The following CFAP418 variants were observed in gnomAD, a reference collection of about 807,000 sequenced individuals.
CFAP418 encodes cilia and flagella associated protein 418.
Under a neutral mutation model 24.7 loss-of-function variants are expected in CFAP418, and 27 were observed. That is an observed-to-expected ratio of 1.09 (90% CI 0.81 to 1.51). The LOEUF is 1.51. Ranked by LOEUF, CFAP418 falls within the 40% of genes most tolerant of loss-of-function variation. The probability of loss-of-function intolerance (pLI) is 0.00; values close to 1 mark genes in which losing one functional copy is unlikely to be tolerated. For missense variants in CFAP418, 257 were observed against 255.2 expected (o/e 1.01, Z -0.05); for synonymous variants, 74 against 87.3 (o/e 0.85, Z 0.85).
chr8:95,247,841 A>G, intron 5 of CFAP418, 71 bp from the exon 6 acceptor site: 4 of 1,288,178 alleles, frequency 3.1e-6, no homozygotes, highest in Non-Finnish European at 4.2e-6. Flanking sequence ...AAAAAAAAAA[A>G]GGTCATTGCT....
At chr8:95,261,568 C>T (rs891577147) in intron 2 of CFAP418, among the ~76,000 whole-genome samples, 5 of 152,004 alleles carry the variant, frequency 3.3e-5, no homozygotes, top group South Asian at 2.1e-4. Context: ...CTAATGACAA[C>T]GTTGGCATAG....
At chr8:95,263,592 G>T in intron 2 of CFAP418, 95 bp downstream of exon 2, 1 of 690,520 alleles carries the variant, frequency 1.4e-6, no homozygotes. Context: ...GAATTCAAAA[G>T]ATAATGGGTA....
chr8:95,253,963 A>G (rs958168144), intron 4 of CFAP418, among the ~76,000 whole-genome samples: 13 of 152,254 alleles, frequency 8.5e-5, no homozygotes, highest in Admixed American at 6.5e-4. Context: ...AATCTCAACC[A>G]TAATGCTAAA....
intron 5 of CFAP418, among the ~76,000 whole-genome samples, chr8:95,248,774 A>G (rs1374282429): frequency 5.3e-5 from 8 of 152,210 alleles, no homozygotes; most frequent in Admixed American, 5.2e-4. Context: ...ATGAAAAAAT[A>G]CAAAGTGAAA....
At chr8:95,261,521 G>A (rs1587355997) in intron 2 of CFAP418, among the ~76,000 whole-genome samples, 2 of 152,090 alleles carry the variant, frequency 1.3e-5, no homozygotes, top group South Asian at 2.1e-4. Flanking sequence ...CAGGAGGTGC[G>A]GTAAGGGAGT....
In CFAP418 at chr8:95,269,142, A is replaced by G. The variant is rs757326871; in HGVS notation, c.48T>C (p.Phe16=). The part of the protein sequence containing the change: ...DELLDEVESK[F]CTPDLLRRGM... ...CCCGTCTTAGAAGGTCAGGTGTGCAAAACTTGGACTCGACTTCATCCAAGA... is the reference window on the plus strand; with the variant it reads ...CCCGTCTTAGAAGGTCAGGTGTGCAGAACTTGGACTCGACTTCATCCAAGA... The change falls in exon 1 of 6, where the codon TTT becomes TTC. Residue 16 remains phenylalanine (F), a synonymous_variant. Transcript: ENST00000286688. The G allele has an allele frequency of 1.9e-6, 3 of 1,614,160 alleles. No homozygotes were observed. The highest frequency in any genetic ancestry group is 1.7e-6 in the Non-Finnish European group (2 of 1,180,006).
chr8:95,252,738 A>C (rs1811728379), intron 4 of CFAP418, among the ~76,000 whole-genome samples: 1 of 152,232 alleles, frequency 6.6e-6, no homozygotes, highest in African/African-American at 2.4e-5. Context: ...CTGGGAAAAG[A>C]TTGTATTTGT....
chr8:95,263,363 G>A (rs1213511811), intron 2 of CFAP418, among the ~76,000 whole-genome samples: 1 of 149,502 alleles, frequency 6.7e-6, no homozygotes, highest in Non-Finnish European at 1.5e-5. Context: ...TACAATGAAA[G>A]CTGTTTGTTT....
In CFAP418 at chr8:95,247,588, G is replaced by T; in HGVS notation, c.*29C>A. On this transcript the variant is annotated 3_prime_UTR_variant, in exon 6 of 6. Transcript: ENST00000286688. ...ATTCATGGAGACCACTCTCATGGATGCATCTGTCCGAATGTGCAGTCTGCA... is the reference window on the plus strand; with the variant it reads ...ATTCATGGAGACCACTCTCATGGATTCATCTGTCCGAATGTGCAGTCTGCA... The T allele has an allele frequency of 6.2e-7, 1 of 1,612,924 alleles. No homozygotes were observed. The highest frequency in any genetic ancestry group is 8.5e-7 in the Non-Finnish European group (1 of 1,179,250).
chr8:95,264,973 C>T (rs1167511725), intron 1 of CFAP418, among the ~76,000 whole-genome samples: 2 of 152,194 alleles, frequency 1.3e-5, no homozygotes, highest in East Asian at 3.8e-4. Context: ...GAAGCTGCCA[C>T]CCTTTCTTAC....
At position 95,269,092 on chromosome 8, in the gene CFAP418, C is replaced by CA; in HGVS notation, c.97dup (p.Cys33LeufsTer8). 1 of 1,614,210 alleles carries CA rather than the reference C, an allele frequency of 6.2e-7. No individual in the cohort carries two copies. Among genetic ancestry groups the CA allele is most frequent in the Non-Finnish European group, 8.5e-7 (1 of 1,180,020 alleles). ...GTCGCTACTGTGGGTGCCGCCGCCG[C>CA]AGCCTTTGGGCTGCTCGACCATACC... On this transcript the variant is annotated frameshift_variant, in exon 1 of 6. Coordinates refer to ENST00000286688, the MANE Select transcript of CFAP418 (RefSeq NM_177965.4). LOFTEE classifies it high-confidence loss of function.
chr8:95,247,974 T>G (rs1370421037), intron 5 of CFAP418, among the ~76,000 whole-genome samples: 3 of 152,126 alleles, frequency 2.0e-5, no homozygotes, highest in African/African-American at 4.8e-5. Flanking sequence ...TCCAAGTAGC[T>G]GAGACCACAG....
intron 2 of CFAP418, among the ~76,000 whole-genome samples, chr8:95,262,855 G>C (rs1018575860): frequency 6.6e-6 from 1 of 151,722 alleles, no homozygotes; most frequent in African/African-American, 2.4e-5. Context: ...CCTTTTCTCC[G>C]ATTAAAAAAA....
chr8:95,255,851 A>G (rs555132960), intron 4 of CFAP418, among the ~76,000 whole-genome samples: 2 of 152,382 alleles, frequency 1.3e-5, no homozygotes, highest in Non-Finnish European at 2.9e-5. Flanking sequence ...TACTTCACAC[A>G]TAAAATTTGC....
At position 95,263,166 on chromosome 8, in the gene CFAP418, T is replaced by C. The variant is rs577720404; in HGVS notation, c.243+521A>G. ...TAAAGCAAATGTGGCAAAACATTAA[T>C]ATATGTTTAATATGGGTGGCTGTCA... is the stretch of plus-strand genomic sequence containing the variant. On this transcript the variant is annotated intron_variant, in intron 2 of 5. Transcript: ENST00000286688. Among the ~76,000 whole-genome samples, 8 of 152,326 alleles carry C rather than the reference T, an allele frequency of 5.3e-5. No individual in the cohort carries two copies. In the South Asian group the frequency reaches 1.4e-3, roughly 28 times the overall value.
chr8:95,263,483 G>A (rs562989190), intron 2 of CFAP418, among the ~76,000 whole-genome samples: 2 of 152,288 alleles, frequency 1.3e-5, no homozygotes, highest in East Asian at 3.9e-4. Flanking sequence ...TATTCTTACT[G>A]AGAAATGCAC....
intron 2 of CFAP418, 45 bp downstream of exon 2, chr8:95,263,642 T>G: frequency 1.6e-6 from 2 of 1,232,924 alleles, no homozygotes; most frequent in Non-Finnish European, 2.4e-6. Flanking sequence ...AAACATGTCT[T>G]GAAATAATGA....
At chr8:95,254,505 C>T (rs575189180) in intron 4 of CFAP418, among the ~76,000 whole-genome samples, 1 of 152,288 alleles carries the variant, frequency 6.6e-6, no homozygotes, top group South Asian at 2.1e-4. Flanking sequence ...CAGTGAAAGA[C>T]AAACTGTCAG....
At chr8:95,261,855 A>G (rs1026874286) in intron 2 of CFAP418, among the ~76,000 whole-genome samples, 1 of 152,220 alleles carries the variant, frequency 6.6e-6, no homozygotes, top group African/African-American at 2.4e-5. Flanking sequence ...TATGCACCCT[A>G]TTGGTACTTA....
Sources: gnomAD v4.1 joint callset for allele counts (sites outside exome capture counted in the v4.1 genomes callset) on GRCh38, gnomAD v4.1.1 for gene constraint, MANE v1.5 for transcripts, NCBI Gene and HGNC (gene_info 2026-07-23, HGNC 2026-07-21) for gene names.